The following NOSIP variants were observed in gnomAD, a reference collection of about 807,000 sequenced individuals.
NOSIP encodes the protein nitric oxide synthase interacting protein.
NOSIP carries 25 observed loss-of-function variants against 36.4 expected under a neutral mutation model. That is an observed-to-expected ratio of 0.69 (90% CI 0.50 to 0.96). NOSIP has a LOEUF of 0.96. Ranked by LOEUF, NOSIP falls within the 40% of genes least tolerant of loss-of-function variation. The pLI is 0.00. For synonymous variants in NOSIP, 187 were observed against 179.2 expected (o/e 1.04, Z -0.35); for missense variants, 370 against 429.0 (o/e 0.86, Z 1.21).
At chr19:49,563,433 G>A (rs535373639) in intron 1 of NOSIP, among the ~76,000 whole-genome samples, 2 of 151,934 alleles carry the variant, frequency 1.3e-5, no homozygotes, top group South Asian at 4.2e-4. Context: ...GCCTCCCAAA[G>A]TGTTGGGATT....
Position 49,557,172 on chromosome 19 carries a change from C to A in NOSIP, c.336G>T (p.Arg112=). Residue 112 remains arginine (R), a synonymous_variant, in exon 5 of 9, where the codon CGG becomes CGT. Coordinates refer to ENST00000596358, the MANE Select transcript of NOSIP (RefSeq NM_001270960.2). ...TAGCCGACTCCTTCTCCAGGAAGCC[C>A]CGCACATGGTCCTGCGAGGCCGCCC... ...LQRAASQDHV[R]GFLEKESAIV... is the part of the protein sequence containing the mutation. The A allele has an allele frequency of 6.2e-7, 1 of 1,611,282 alleles. No individual in the cohort carries two copies. The highest frequency in any genetic ancestry group is 1.1e-5 in the South Asian group (1 of 90,378).
At chr19:49,572,972 C>CAAAAA (rs5828405) in intron 1 of NOSIP, among the ~76,000 whole-genome samples, 1 of 60,756 alleles carries the variant, frequency 1.6e-5, no homozygotes, top group Admixed American at 1.8e-4. Flanking sequence ...GACTGTGTCT[C>CAAAAA]AAAAAAAAAA....
At chr19:49,562,852 C>G (rs553992874) in intron 1 of NOSIP, among the ~76,000 whole-genome samples, 2 of 152,120 alleles carry the variant, frequency 1.3e-5, no homozygotes, top group South Asian at 4.1e-4. Flanking sequence ...TACACTCCAG[C>G]CTGGTGACAG....
chr19:49,558,021 G>T, intron 4 of NOSIP: 1 of 756,284 alleles, frequency 1.3e-6, no homozygotes, highest in Non-Finnish European at 1.6e-6. Context: ...CAGGGGAAGA[G>T]GGGGACAGAC....
In NOSIP at chr19:49,557,225, G is replaced by T; in HGVS notation, c.283C>A (p.Arg95=). Residue 95 remains arginine, a synonymous_variant, in exon 5 of 9, where the codon CGG becomes AGG. Transcript: ENST00000596358. ...TGAAGCTCCTTCTGCTCCTCGCGCCGGGTGCCCCGCTGCTTCTCGTAGGCC... is the reference window on the plus strand; with the variant it reads ...TGAAGCTCCTTCTGCTCCTCGCGCCTGGTGCCCCGCTGCTTCTCGTAGGCC... ...MKAYEKQRGT[R]REEQKELQRA... 1 of 1,594,686 alleles carries T rather than the reference G, an allele frequency of 6.3e-7. No individual in the cohort carries two copies.
chr19:49,566,868 G>C, intron 1 of NOSIP: 1 of 148,634 alleles, frequency 6.7e-6, no homozygotes, highest in Non-Finnish European at 1.5e-5. Context: ...AGGCTGGAGT[G>C]CAGCGGCATG....
intron 1 of NOSIP, among the ~76,000 whole-genome samples, chr19:49,567,708 C>T (rs1365970342): frequency 1.3e-5 from 2 of 152,074 alleles, no homozygotes; most frequent in Non-Finnish European, 2.9e-5. Context: ...CTTGCTCTGT[C>T]GCCCAGGTTG....
rs573968290 is a variant in NOSIP at position 49,557,022 on chromosome 19, C to T, written c.419-29G>A. The T allele has an allele frequency of 7.2e-5, 114 of 1,594,254 alleles. No individual in the cohort carries two copies. The Admixed American group carries it at 1.9e-3, about 27-fold the overall frequency. The stretch of plus-strand genomic sequence containing the variant: ...TGGGGGAAGGAAGGGACTCAGATGC[C>T]GCCCCCTGGGCCCGCCCAGCCCGCG... On this transcript the variant is annotated intron_variant, in intron 5 of 8. Coordinates refer to ENST00000596358, the MANE Select transcript of NOSIP (RefSeq NM_001270960.2).
chr19:49,556,601 C>T lies in NOSIP; in HGVS notation c.673G>A (p.Val225Met), dbSNP rs772788289. ...ITRSERYVCA[V>M]TRDSLSNATP... ...GCGTTGCTCAGGCTGTCGCGGGTCA[C>T]GGCACACACGTAGCGCTCGCTGCGG... Residue 225 changes from valine (V) to methionine (M), a missense_variant, in exon 7 of 9, where the codon GTG becomes ATG. Physicochemically the swap from Val to Met is conservative, Grantham distance 21 (BLOSUM62 1). Transcript: ENST00000596358. 2 of 1,607,032 alleles carry T rather than the reference C, an allele frequency of 1.2e-6. No individual in the cohort carries two copies. The highest frequency in any genetic ancestry group is 2.2e-5 in the South Asian group (2 of 91,066).
intron 1 of NOSIP, among the ~76,000 whole-genome samples, chr19:49,564,736 C>T (rs772903062): frequency 1.1e-4 from 17 of 152,240 alleles, no homozygotes; most frequent in East Asian, 1.9e-4. Flanking sequence ...ATACACTGCC[C>T]TATTCACAAT....
intron 1 of NOSIP, among the ~76,000 whole-genome samples, chr19:49,575,822 T>A (rs951891014): frequency 6.6e-6 from 1 of 152,200 alleles, no homozygotes; most frequent in Non-Finnish European, 1.5e-5. Flanking sequence ...TTTGGTTTTT[T>A]CCAGTTATGT....
At chr19:49,566,185 A>G (rs1257253775) in intron 1 of NOSIP, among the ~76,000 whole-genome samples, 1 of 151,860 alleles carries the variant, frequency 6.6e-6, no homozygotes, top group Non-Finnish European at 1.5e-5. Context: ...ACGCCTGGCT[A>G]ATTTTTTGTA....
At chr19:49,578,898 C>T (rs1202503098) in intron 1 of NOSIP, among the ~76,000 whole-genome samples, 1 of 151,440 alleles carries the variant, frequency 6.6e-6, no homozygotes, top group Admixed American at 6.6e-5. Context: ...GCTGGGATTA[C>T]AGGCATGAGC....
chr19:49,557,303 C>T (rs1049774718), intron 4 of NOSIP, 54 bp from the exon 5 acceptor site: 2 of 1,513,486 alleles, frequency 1.3e-6, no homozygotes, highest in Non-Finnish European at 1.8e-6. Context: ...GGGTATCTTC[C>T]TCCCATTTCA....
chr19:49,564,163 T>C (rs540179853), intron 1 of NOSIP, among the ~76,000 whole-genome samples: 289 of 152,090 alleles, frequency 1.9e-3, no homozygotes, highest in Non-Finnish European at 3.1e-3. Context: ...ACATTAAAAC[T>C]TCACTGAAGG....
At chr19:49,566,469 C>T (rs1377588912) in intron 1 of NOSIP, among the ~76,000 whole-genome samples, 2 of 152,080 alleles carry the variant, frequency 1.3e-5, no homozygotes, top group Non-Finnish European at 2.9e-5. Context: ...CCACCATGCC[C>T]AGCTAATTTT....
intron 1 of NOSIP, among the ~76,000 whole-genome samples, chr19:49,575,959 G>A (rs957999194): frequency 6.6e-6 from 1 of 152,016 alleles, no homozygotes; most frequent in African/African-American, 2.4e-5. Flanking sequence ...GTGAAACCCC[G>A]TCTCTACTAA....
chr19:49,560,014 G>A lies in NOSIP; in HGVS notation c.96C>T (p.Asn32=). The A allele has an allele frequency of 1.2e-6, 2 of 1,613,834 alleles. No individual in the cohort carries two copies. Among genetic ancestry groups the A allele is most frequent in the Non-Finnish European group, 1.7e-6 (2 of 1,179,820 alleles). ...TCACGGCATCCCGGCTCAGTCGAAT[G>A]TTCTGGGTCCCATAGCCCGAGGCCG... ...DTAASGYGTQ[N]IRLSRDAVKD... Residue 32 remains asparagine (N), a synonymous_variant, in exon 3 of 9, where the codon AAC becomes AAT. Coordinates refer to ENST00000596358, the MANE Select transcript of NOSIP (RefSeq NM_001270960.2). The surrounding 1 kb of genome is among the most constrained non-coding windows in gnomAD (Gnocchi z 4.6).
intron 8 of NOSIP, among the ~76,000 whole-genome samples, chr19:49,556,055 G>A: frequency 6.9e-6 from 1 of 144,808 alleles, no homozygotes. Flanking sequence ...AGCGTGTGGA[G>A]GGGGTGGAGC....
Sources: allele counts gnomAD v4.1 joint callset (sites outside exome capture counted in the v4.1 genomes callset), GRCh38; gene constraint gnomAD v4.1.1; non-coding constraint Gnocchi (gnomAD v3.1); transcripts MANE v1.5; gene names NCBI Gene and HGNC (gene_info 2026-07-23, HGNC 2026-07-21).